The following ZNF32 variants were observed in gnomAD, a reference collection of about 807,000 sequenced individuals.
The protein encoded by ZNF32 is C2H2-546.
In ZNF32, 13 loss-of-function variants were observed where a neutral mutation model predicts 24.4. The observed-to-expected ratio is 0.53, with a 90% CI of 0.35 to 0.85. ZNF32 has a LOEUF of 0.85. Among genes scored for constraint, ZNF32 ranks in the 40% least tolerant of loss-of-function variants. The probability of loss-of-function intolerance (pLI) is 0.01; values close to 1 mark genes in which losing one functional copy is unlikely to be tolerated. For synonymous variants in ZNF32, 115 were observed against 117.4 expected (o/e 0.98, Z 0.13); for missense variants, 239 against 325.3 (o/e 0.73, Z 2.04).
In ZNF32 at chr10:43,644,545, G is replaced by T; in HGVS notation, c.327C>A (p.His109Gln). ...CTTTGGCCCTGAAGCTTTTTCCACAGTGGGTGCACTCAAAAGGCTTTTGAC... is the reference window on the plus strand; with the variant it reads ...CTTTGGCCCTGAAGCTTTTTCCACATTGGGTGCACTCAAAAGGCTTTTGAC... ...HTGQKPFECT[H>Q]CGKSFRAKGN... Residue 109 changes from histidine (H) to glutamine (Q), a missense_variant, in exon 3 of 3, where the codon CAC becomes CAA. By Grantham distance (24) the His-to-Gln change is conservative (BLOSUM62 0). Coordinates refer to ENST00000374433, the MANE Select transcript of ZNF32 (RefSeq NM_006973.3). This position sits in a 1 kb window ranked among gnomAD's most constrained non-coding sequence, Gnocchi z 5.3. The T allele has an allele frequency of 6.2e-7, 1 of 1,614,108 alleles. No homozygotes were observed. Among genetic ancestry groups the T allele is most frequent in the South Asian group, 1.1e-5 (1 of 91,060 alleles).
rs750213813 is a variant in ZNF32, at chr10:43,644,476, A to C, written c.396T>G (p.Pro132=). Residue 132 remains proline (P), a synonymous_variant, in exon 3 of 3, where the codon CCT becomes CCG. Coordinates refer to ENST00000374433, the MANE Select transcript of ZNF32 (RefSeq NM_006973.3). The surrounding 1 kb of genome is among the most constrained non-coding windows in gnomAD (Gnocchi z 5.3). ...TTTTCCCACACTCCTTGCACTGATA[A>C]GGCTTCTCTCCCGTGTGTATCCGTT... ...THQRIHTGEK[P]YQCKECGKSF... 3 of 1,614,126 alleles carry C rather than the reference A, an allele frequency of 1.9e-6. No individual in the cohort carries two copies. Among genetic ancestry groups the C allele is most frequent in the East Asian group, 4.5e-5 (2 of 44,880 alleles).
In ZNF32 at chr10:43,646,074, T is replaced by C. The variant is rs2132379501; in HGVS notation, c.60A>G (p.Val20=). 1 of 1,614,170 alleles carries C rather than the reference T, an allele frequency of 6.2e-7. No individual in the cohort carries two copies. Among genetic ancestry groups the C allele is most frequent in the Non-Finnish European group, 8.5e-7 (1 of 1,180,002 alleles). The stretch of plus-strand genomic sequence containing the variant: ...AACTGACTCACTCACTGAAGAACGC[T>C]ACATTCTGGGCATATCTTCCATGAC... The part of the protein sequence containing the change: ...LDCHGRYAQN[V]AFFNVMTEAH... Residue 20 remains valine (V), a synonymous_variant, in exon 2 of 3, where the codon GTA becomes GTG. Coordinates refer to ENST00000374433, the MANE Select transcript of ZNF32 (RefSeq NM_006973.3).
At chr10:43,646,228 A>C (rs1036670547) in intron 1 of ZNF32, 26 bp from the exon 2 acceptor site, 1 of 1,416,586 alleles carries the variant, frequency 7.1e-7, no homozygotes, top group Admixed American at 2.0e-5. Flanking sequence ...AAACAGAAAC[A>C]AACAGGAAAG....
At chr10:43,647,362 C>A (rs1359818288) in intron 1 of ZNF32, among the ~76,000 whole-genome samples, 3 of 152,164 alleles carry the variant, frequency 2.0e-5, no homozygotes, top group Non-Finnish European at 4.4e-5. Flanking sequence ...GCATGAGCTA[C>A]TACACCTGGC....
intron 1 of ZNF32, 196 bp from the exon 2 acceptor site, chr10:43,646,398 A>G (rs968881712): frequency 1.2e-5 from 5 of 425,132 alleles, no homozygotes; most frequent in African/African-American, 1.0e-4. Context: ...TCTAGGAGGA[A>G]GCAGGATGTG....
At chr10:43,647,846 T>G (rs1282476918) in intron 1 of ZNF32, 1 of 152,130 alleles carries the variant, frequency 6.6e-6, no homozygotes, top group African/African-American at 2.4e-5. Flanking sequence ...CAGCTCTGCC[T>G]CTCCACCTGC....
intron 1 of ZNF32, among the ~76,000 whole-genome samples, chr10:43,646,540 T>A (rs1237513352): frequency 1.3e-5 from 2 of 152,186 alleles, no homozygotes; most frequent in Non-Finnish European, 2.9e-5. Context: ...CACCTACTAC[T>A]TTCTTCCCTC....
chr10:43,644,642 T>C lies in ZNF32; in HGVS notation c.230A>G (p.Tyr77Cys), dbSNP rs778336721. Residue 77 changes from tyrosine to cysteine, a missense_variant, in exon 3 of 3, where the codon TAT (tyrosine) becomes TGT (cysteine). Physicochemically the swap from Tyr to Cys is radical, Grantham distance 194. Transcript: ENST00000374433. The surrounding 1 kb of genome is among the most constrained non-coding windows in gnomAD (Gnocchi z 5.3). ...EDSPGVRQRVYECQECGKSFR... is the reference protein window; with the variant it reads ...EDSPGVRQRVCECQECGKSFR... The stretch of plus-strand genomic sequence containing the variant: ...GGATTTTCCACACTCCTGGCACTCA[T>C]AGACCCTTTGTCTCACTCCAGGTGA... The C allele has an allele frequency of 2.5e-6, 4 of 1,614,222 alleles. No homozygotes were observed. Among genetic ancestry groups the C allele is most frequent in the South Asian group, 1.1e-5 (1 of 91,090 alleles).
chr10:43,644,521 T>A lies in ZNF32; in HGVS notation c.351A>T (p.Lys117Asn). ...CTHCGKSFRAKGNLVTHQRIH... is the reference protein window; with the variant it reads ...CTHCGKSFRANGNLVTHQRIH... ...TCCGTTGATGTGTAACAAGATTGCCTTTGGCCCTGAAGCTTTTTCCACAGT... is the reference window on the plus strand; with the variant it reads ...TCCGTTGATGTGTAACAAGATTGCCATTGGCCCTGAAGCTTTTTCCACAGT... Residue 117 changes from lysine to asparagine, a missense_variant, in exon 3 of 3, where the codon AAA (lysine) becomes AAT (asparagine). Transcript: ENST00000374433. The surrounding 1 kb of genome is among the most constrained non-coding windows in gnomAD (Gnocchi z 5.3). 6.2e-7 allele frequency: 1 copy of A among 1,614,190 alleles called. No individual in the cohort carries two copies. Among genetic ancestry groups the A allele is most frequent in the African/African-American group, 1.3e-5 (1 of 75,044 alleles).
In ZNF32 at chr10:43,644,100, C is replaced by T. The variant is rs1449900948; in HGVS notation, c.772G>A (p.Gly258Arg). 6.2e-7 allele frequency: 1 copy of T among 1,614,034 alleles called. No individual in the cohort carries two copies. The highest frequency in any genetic ancestry group is 8.5e-7 in the Non-Finnish European group (1 of 1,180,018). ...GQCGKSFTQR[G>R]SLAVHQRSCS... ...CTTCGCTGGTGCACAGCCAGACTCC[C>T]TCTCTGGGTGAAGCTTTTTCCACAC... The change falls in exon 3 of 3, where the codon GGG (glycine) becomes AGG (arginine). Residue 258 changes from glycine (G) to arginine (R), a missense_variant. Transcript: ENST00000374433. This position sits in a 1 kb window ranked among gnomAD's most constrained non-coding sequence, Gnocchi z 5.3.
chr10:43,646,769 T>C (rs1839307330), intron 1 of ZNF32, among the ~76,000 whole-genome samples: 1 of 152,200 alleles, frequency 6.6e-6, no homozygotes, highest in South Asian at 2.1e-4. Context: ...TAAACACTTG[T>C]CAATTCTTGG....
chr10:43,648,661 C>T (rs549274946), intron 1 of ZNF32, 141 bp downstream of exon 1: 1 of 152,394 alleles, frequency 6.6e-6, no homozygotes, highest in South Asian at 2.1e-4. Flanking sequence ...TGGCCTCCCT[C>T]GGGGCCCGGG....
At chr10:43,645,240 T>C (rs1285994812) in intron 2 of ZNF32, among the ~76,000 whole-genome samples, 1 of 152,208 alleles carries the variant, frequency 6.6e-6, no homozygotes, top group East Asian at 1.9e-4. Flanking sequence ...TTTCCCATTT[T>C]AGAGGCACCC....
At chr10:43,648,221 C>CGA (rs941140361) in intron 1 of ZNF32, among the ~76,000 whole-genome samples, 5 of 152,148 alleles carry the variant, frequency 3.3e-5, no homozygotes, top group Admixed American at 3.3e-4. Flanking sequence ...GAGTATCAGA[C>CGA]GAGACCACCA....
intron 1 of ZNF32, chr10:43,648,053 A>T (rs1245497400): frequency 1.3e-5 from 2 of 152,224 alleles, no homozygotes; most frequent in African/African-American, 4.8e-5. Flanking sequence ...AAAAGCTTAG[A>T]AGTAGTCCGT....
chr10:43,644,794 C>T lies in ZNF32; in HGVS notation c.78G>A (p.Met26Ile), dbSNP rs773414905. 5 of 1,592,442 alleles carry T rather than the reference C, an allele frequency of 3.1e-6. No homozygotes were observed. The highest frequency in any genetic ancestry group is 2.2e-5 in the East Asian group (1 of 44,792). The change falls in exon 3 of 3, where the codon ATG becomes ATA. Residue 26 changes from methionine to isoleucine, a missense_variant. Transcript: ENST00000374433. The surrounding 1 kb of genome is among the most constrained non-coding windows in gnomAD (Gnocchi z 5.3). ...YAQNVAFFNV[M>I]TEAHHKYDHS... Reference sequence around the variant, plus strand: ...GGTCATATTTGTGGTGGGCTTCAGTCATCACATCTGATAAAATGAGAGGGA... The same window carrying T: ...GGTCATATTTGTGGTGGGCTTCAGTTATCACATCTGATAAAATGAGAGGGA...
chr10:43,646,682 A>G (rs1839304764), intron 1 of ZNF32, among the ~76,000 whole-genome samples: 1 of 152,230 alleles, frequency 6.6e-6, no homozygotes, highest in Non-Finnish European at 1.5e-5. Context: ...CCACTGAACA[A>G]TTCTTAGGAG....
intron 1 of ZNF32, chr10:43,647,471 C>T (rs1369450876): frequency 1.3e-5 from 2 of 152,178 alleles, no homozygotes; most frequent in African/African-American, 4.8e-5. Flanking sequence ...TCAATGCATA[C>T]TCCTTGTTTC....
intron 1 of ZNF32, among the ~76,000 whole-genome samples, chr10:43,646,586 C>T (rs1032997956): frequency 1.1e-4 from 17 of 152,214 alleles, no homozygotes; most frequent in African/African-American, 4.1e-4. Context: ...AAGAAAACAA[C>T]ATTTCAGCCT....
Sources: gnomAD v4.1 joint callset for allele counts (sites outside exome capture counted in the v4.1 genomes callset) on GRCh38, gnomAD v4.1.1 for gene constraint, Gnocchi (gnomAD v3.1) non-coding constraint, MANE v1.5 for transcripts, NCBI Gene and HGNC (gene_info 2026-07-23, HGNC 2026-07-21) for gene names.